The following ERC2 variants were observed in gnomAD, a reference collection of about 807,000 sequenced individuals.
ERC2 encodes ERC protein 2.
Under a neutral mutation model 114.8 loss-of-function variants are expected in ERC2, and 42 were observed. The ratio of observed to expected loss-of-function variants is 0.37; its 90% CI spans 0.29 to 0.47. ERC2 has a LOEUF of 0.47. ERC2 is among the 20% of genes least tolerant of loss of function. The pLI, the probability that ERC2 is intolerant of heterozygous loss-of-function variation, is 0.99. For missense variants in ERC2, 939 were observed against 1,150.7 expected, an observed-to-expected ratio of 0.82 and a Z score of 2.66; for synonymous variants, 454 against 425.5, an observed-to-expected ratio of 1.07 and a Z score of -0.82.
chr3:55,577,301 G>A (rs1204895196), intron 17 of ERC2, among the ~76,000 whole-genome samples: 1 of 152,126 alleles, frequency 6.6e-6, no homozygotes, highest in Non-Finnish European at 1.5e-5. Flanking sequence ...CAAGCTGAGT[G>A]AAAGAAAATT....
At chr3:55,706,898 C>CT (rs958859971) in intron 15 of ERC2, among the ~76,000 whole-genome samples, 1 of 152,204 alleles carries the variant, frequency 6.6e-6, no homozygotes, top group Non-Finnish European at 1.5e-5. Flanking sequence ...GAAGTAACAC[C>CT]TGCCTAGCAC....
intron 17 of ERC2, among the ~76,000 whole-genome samples, chr3:55,624,478 C>G (rs2059436364): frequency 6.6e-6 from 1 of 152,130 alleles, no homozygotes; most frequent in South Asian, 2.1e-4. Context: ...GGAAACCACC[C>G]CAGACTGGTG....
chr3:55,559,154 C>T (rs931270020), intron 17 of ERC2, among the ~76,000 whole-genome samples: 1 of 152,200 alleles, frequency 6.6e-6, no homozygotes, highest in African/African-American at 2.4e-5. Context: ...TTAAACCAGT[C>T]CAGCATCTCC....
chr3:55,556,176 T>A (rs2107454169), intron 17 of ERC2, among the ~76,000 whole-genome samples: 1 of 152,326 alleles, frequency 6.6e-6, no homozygotes, highest in East Asian at 1.9e-4. Flanking sequence ...TAACTCTTCA[T>A]CCAGCTTTAA....
chr3:56,303,046 G>A (rs2055989094), intron 2 of ERC2, among the ~76,000 whole-genome samples: 1 of 152,142 alleles, frequency 6.6e-6, no homozygotes, highest in Non-Finnish European at 1.5e-5. Flanking sequence ...GTTTTTACTC[G>A]CCACCCTGTT....
At chr3:56,153,863 GACATAA>G (rs1283197716) in intron 4 of ERC2, among the ~76,000 whole-genome samples, 2 of 152,106 alleles carry the variant, frequency 1.3e-5, no homozygotes, top group African/African-American at 4.8e-5. Flanking sequence ...CAAGAAAGAA[GACATAA>G]GCAGTTTTTA....
At chr3:55,652,392 A>G (rs924856369) in intron 17 of ERC2, among the ~76,000 whole-genome samples, 2 of 152,260 alleles carry the variant, frequency 1.3e-5, no homozygotes, top group South Asian at 2.1e-4. Flanking sequence ...GAAGAGAGTG[A>G]GCACCTATAA....
intron 4 of ERC2, among the ~76,000 whole-genome samples, chr3:56,150,557 T>C (rs2081363633): frequency 6.6e-6 from 1 of 152,186 alleles, no homozygotes; most frequent in African/African-American, 2.4e-5. Flanking sequence ...TATTAGGAAA[T>C]GGAACATTCT....
intron 17 of ERC2, among the ~76,000 whole-genome samples, chr3:55,640,452 G>A (rs1357711977): frequency 2.0e-5 from 3 of 152,182 alleles, no homozygotes; most frequent in Non-Finnish European, 4.4e-5. Context: ...ACTGTACCAA[G>A]TTAGGACTCC....
intron 7 of ERC2, among the ~76,000 whole-genome samples, chr3:56,031,134 G>A (rs1292035386): frequency 1.3e-5 from 2 of 152,188 alleles, no homozygotes; most frequent in Non-Finnish European, 2.9e-5. Flanking sequence ...CATAGACCCA[G>A]GCACCAGGCC....
At chr3:55,565,904 C>T (rs1251747273) in intron 17 of ERC2, among the ~76,000 whole-genome samples, 2 of 152,230 alleles carry the variant, frequency 1.3e-5, no homozygotes, top group African/African-American at 4.8e-5. Flanking sequence ...AGTCAAAAGT[C>T]TTTTGCTGCT....
At chr3:56,255,056 C>T (rs79640343) in intron 3 of ERC2, among the ~76,000 whole-genome samples, 1,799 of 152,270 alleles carry the variant, frequency 0.012, 30 homozygotes, top group African/African-American at 0.041. Context: ...TTATTTCCAT[C>T]CCCTAGTGGA....
chr3:55,982,380 A>C (rs2070221948), intron 12 of ERC2, among the ~76,000 whole-genome samples: 1 of 152,158 alleles, frequency 6.6e-6, no homozygotes, highest in African/African-American at 2.4e-5. Context: ...ACAATGTTCA[A>C]CTTTGATGAA....
chr3:56,369,732 A>G (rs1038720398), intron 2 of ERC2, among the ~76,000 whole-genome samples: 2 of 150,646 alleles, frequency 1.3e-5, no homozygotes, highest in Non-Finnish European at 2.9e-5. Flanking sequence ...GCTGGAGTGC[A>G]GTGGCACAAT....
chr3:56,304,215 A>G (rs2150376360), intron 2 of ERC2, among the ~76,000 whole-genome samples: 1 of 152,342 alleles, frequency 6.6e-6, no homozygotes, highest in Non-Finnish European at 1.5e-5. Context: ...GAGATAAGCC[A>G]CAAACAAAAT....
chr3:55,867,310 C>T (rs1419680922), intron 14 of ERC2, among the ~76,000 whole-genome samples: 1 of 152,276 alleles, frequency 6.6e-6, no homozygotes, highest in East Asian at 1.9e-4. Flanking sequence ...CACCCACCTC[C>T]CACACACAGT....
intron 16 of ERC2, among the ~76,000 whole-genome samples, chr3:55,694,347 C>T (rs62249277): frequency 5.5e-4 from 84 of 152,282 alleles, no homozygotes; most frequent in Admixed American, 1.4e-3. Context: ...ATTCAACAGA[C>T]ATTTACAGAG....
Position 56,299,119 on chromosome 3 carries a change from GT to G in ERC2, c.658-2685del, listed in dbSNP as rs1162614631. Among the ~76,000 whole-genome samples the G allele has an allele frequency of 1.2e-3, 126 of 108,140 alleles. 2 individuals carry two copies. Among genetic ancestry groups the G allele is most frequent in the African/African-American group, 4.0e-3 (100 of 24,972 alleles). 70.9% of individuals were successfully genotyped at this position (108,140 alleles called of 152,430 possible). A position where few individuals can be genotyped will look rare whatever the true frequency, so the allele number is the denominator to read the frequency against. On this transcript the variant is annotated intron_variant, in intron 2 of 17. Coordinates refer to ENST00000288221, the MANE Select transcript of ERC2 (RefSeq NM_015576.3). ...TAGTTTTTTTTTGTTTTTTTTTTTT[GT>G]TTTTTTTTTTGTTTGTTTGTTTTTT...
intron 14 of ERC2, among the ~76,000 whole-genome samples, chr3:55,794,064 C>G (rs2070276623): frequency 1.3e-5 from 2 of 152,146 alleles, no homozygotes; most frequent in African/African-American, 4.8e-5. Context: ...CACAAAATGT[C>G]CCTTCTCTGA....
Sources: allele counts gnomAD v4.1 joint callset (sites outside exome capture counted in the v4.1 genomes callset), GRCh38; gene constraint gnomAD v4.1.1; transcripts MANE v1.5; gene names NCBI Gene and HGNC (gene_info 2026-07-23, HGNC 2026-07-21).